Variants in UTP23 observed in about 807,000 individuals in gnomAD.
UTP23 encodes the protein rRNA-processing protein UTP23 homolog.
In UTP23, 10 loss-of-function variants were observed where a neutral mutation model predicts 19.8. That is an observed-to-expected ratio of 0.50 (90% CI 0.31 to 0.86). The LOEUF is 0.86. Ranked by LOEUF, UTP23 falls within the 40% of genes least tolerant of loss-of-function variation. The pLI is 0.05. For synonymous variants in UTP23, 108 were observed against 105.4 expected, an observed-to-expected ratio of 1.02 and a Z score of -0.15; for missense variants, 282 against 293.1, an observed-to-expected ratio of 0.96 and a Z score of 0.28.
At position 116,766,563 on chromosome 8, in the gene UTP23, A is replaced by C. The variant is rs1423031127; in HGVS notation, c.-41A>C. The C allele has an allele frequency of 6.3e-7, 1 of 1,585,574 alleles. No individual in the cohort carries two copies. ...TGGGGCGTGCGTGAGGCGTTTACTGATGCTTCCTGGTCCGGTGGCCTCGGT... is the reference window on the plus strand; with the variant it reads ...TGGGGCGTGCGTGAGGCGTTTACTGCTGCTTCCTGGTCCGGTGGCCTCGGT... On this transcript the variant is annotated 5_prime_UTR_variant, in exon 1 of 3. An upstream start codon of the reference 5' UTR is lost. Coordinates refer to ENST00000309822, the MANE Select transcript of UTP23 (RefSeq NM_032334.3).
At chr8:116,768,892 C>T (rs1815617614) in intron 1 of UTP23, among the ~76,000 whole-genome samples, 1 of 152,180 alleles carries the variant, frequency 6.6e-6, no homozygotes, top group Non-Finnish European at 1.5e-5. Context: ...TCTTGAACTC[C>T]TGACCGCAGG....
chr8:116,771,434 A>G (rs377197945), intron 2 of UTP23, 22 bp from the exon 3 acceptor site: 126 of 1,417,088 alleles, frequency 8.9e-5, no homozygotes, highest in Admixed American at 4.1e-4. Context: ...TGAACTAAAT[A>G]ATTCTGTTTT....
rs1410286307 is a variant in UTP23, at chr8:116,770,492, T to C, written c.363+126T>C. ...TAAAAATACAGGCTTCTAAGTTAATTTGCAGTCAGTAAAAGCAATTGTCAT... is the reference window on the plus strand; with the variant it reads ...TAAAAATACAGGCTTCTAAGTTAATCTGCAGTCAGTAAAAGCAATTGTCAT... On this transcript the variant is annotated intron_variant, in intron 2 of 2. Coordinates refer to ENST00000309822, the MANE Select transcript of UTP23 (RefSeq NM_032334.3). The C allele has an allele frequency of 5.6e-6, 5 of 891,200 alleles. No homozygotes were observed. The African/African-American group carries it at 6.7e-5, about 12-fold the overall frequency. The allele number at this position is 891,200 out of a possible 1,614,324, so 55.2% of individuals were successfully genotyped here. A position where few individuals can be genotyped will look rare whatever the true frequency, so the allele number is the denominator to read the frequency against.
chr8:116,767,041 G>A, intron 1 of UTP23: 1 of 415,580 alleles, frequency 2.4e-6, no homozygotes, highest in East Asian at 3.9e-5. Flanking sequence ...AGAGAGATCC[G>A]ACTTCGAATC....
rs1414774136 is a variant in UTP23 at position 116,774,171 on chromosome 8, G to T, written c.*2329G>T. The T allele has an allele frequency of 2.0e-6, 2 of 985,354 alleles. No individual in the cohort carries two copies. The highest frequency in any genetic ancestry group is 2.4e-6 in the Non-Finnish European group (2 of 829,922). The allele number at this position is 985,354 out of a possible 1,614,324, so 61.0% of individuals were successfully genotyped here. On this transcript the variant is annotated 3_prime_UTR_variant, in exon 3 of 3. Transcript: ENST00000309822. ...TGAAAGTTTGCCAATCTGAAAAGGG[G>T]TGTTTCTGAAGACCACTATCTTTTA...
At chr8:116,770,573 T>TTGGGTTTTGTTGTGGAAGGG (rs1390809100) in intron 2 of UTP23, 1 of 467,564 alleles carries the variant, frequency 2.1e-6, no homozygotes, top group Non-Finnish European at 3.6e-6. Context: ...TAGTGGAAGG[T>TTGGGTTTTGTTGTGGAAGGG]TGGGTTTTGT....
rs1206071894 is a variant in UTP23, at chr8:116,772,467, T to C, written c.*625T>C. 2.1e-6 allele frequency: 2 copies of C among 963,222 alleles called. No individual in the cohort carries two copies. The highest frequency in any genetic ancestry group is 2.5e-6 in the Non-Finnish European group (2 of 809,768). The allele number at this position is 963,222 out of a possible 1,614,324, so 59.7% of individuals were successfully genotyped here. ...AATTGTATGATTATACCGCTACTTT[T>C]TGATACATCAATTATTTATTGACTT... On this transcript the variant is annotated 3_prime_UTR_variant, in exon 3 of 3. Coordinates refer to ENST00000309822, the MANE Select transcript of UTP23 (RefSeq NM_032334.3).
chr8:116,767,216 G>A (rs905125837), intron 1 of UTP23, among the ~76,000 whole-genome samples: 36 of 152,150 alleles, frequency 2.4e-4, no homozygotes, highest in African/African-American at 8.2e-4. Flanking sequence ...AAGTGTACCC[G>A]TCTTCAAATG....
intron 2 of UTP23, 136 bp from the exon 3 acceptor site, chr8:116,771,320 C>T (rs1421627575): frequency 1.4e-6 from 1 of 696,360 alleles, no homozygotes; most frequent in Non-Finnish European, 2.1e-6. Context: ...CCCCATTACT[C>T]AAATGAATAA....
chr8:116,768,822 G>A (rs940162772), intron 1 of UTP23, among the ~76,000 whole-genome samples: 1 of 152,036 alleles, frequency 6.6e-6, no homozygotes, highest in Non-Finnish European at 1.5e-5. Flanking sequence ...GTGACACCAC[G>A]TCCTACTAAT....
At chr8:116,768,975 A>T (rs1166405137) in intron 1 of UTP23, among the ~76,000 whole-genome samples, 1 of 152,132 alleles carries the variant, frequency 6.6e-6, no homozygotes, top group Non-Finnish European at 1.5e-5. Context: ...GTTTTTAAAA[A>T]TTTTGGCAGT....
At chr8:116,769,684 GT>G (rs1368137390) in intron 1 of UTP23, among the ~76,000 whole-genome samples, 1 of 152,144 alleles carries the variant, frequency 6.6e-6, no homozygotes, top group African/African-American at 2.4e-5. Flanking sequence ...ATGACTAAAT[GT>G]TTTTTTAAAA....
rs1345186349 is a variant in UTP23 at position 116,773,306 on chromosome 8, G to A, written c.*1464G>A. 2.0e-6 allele frequency: 2 copies of A among 985,068 alleles called. No individual in the cohort carries two copies. The highest frequency in any genetic ancestry group is 2.4e-6 in the Non-Finnish European group (2 of 829,758). 61.0% of individuals were successfully genotyped at this position (985,068 alleles called of 1,614,324 possible). ...ACAAGCATTAAGGCCACCTAATAAA[G>A]TGTAGACAAAGTGATAAATGAAATA... On this transcript the variant is annotated 3_prime_UTR_variant, in exon 3 of 3. Coordinates refer to ENST00000309822, the MANE Select transcript of UTP23 (RefSeq NM_032334.3).
chr8:116,773,412 GCTAT>G lies in UTP23; in HGVS notation c.*1573_*1576del. The G allele has an allele frequency of 1.0e-6, 1 of 977,810 alleles. No homozygotes were observed. The highest frequency in any genetic ancestry group is 4.7e-5 in the South Asian group (1 of 21,150). The allele number at this position is 977,810 out of a possible 1,614,324, so 60.6% of individuals were successfully genotyped here. A position where few individuals can be genotyped will look rare whatever the true frequency, so the allele number is the denominator to read the frequency against. On this transcript the variant is annotated 3_prime_UTR_variant, in exon 3 of 3. Transcript: ENST00000309822. ...CTTAATCTATTTCTACTTAGTCAGT[GCTAT>G]CTGATTACCTGTTAATAGCATCTGA...
At position 116,774,277 on chromosome 8, in the gene UTP23, T is replaced by C. The variant is rs1290473776; in HGVS notation, c.*2435T>C. 2.0e-6 allele frequency: 2 copies of C among 985,402 alleles called. No homozygotes were observed. The allele number at this position is 985,402 out of a possible 1,614,324, so 61.0% of individuals were successfully genotyped here. A position where few individuals can be genotyped will look rare whatever the true frequency, so the allele number is the denominator to read the frequency against. ...TACATTTTTATGGCCCTACAGCTAC[T>C]TCTTATCCCTGCAAGTATATAAATT... On this transcript the variant is annotated 3_prime_UTR_variant, in exon 3 of 3. Coordinates refer to ENST00000309822, the MANE Select transcript of UTP23 (RefSeq NM_032334.3).
Position 116,771,609 on chromosome 8 carries a change from G to A in UTP23, c.517G>A (p.Glu173Lys). The A allele has an allele frequency of 6.2e-7, 1 of 1,611,992 alleles. No individual in the cohort carries two copies. Among genetic ancestry groups the A allele is most frequent in the South Asian group, 1.1e-5 (1 of 90,270 alleles). ...TCAGCTTGTCTCAGTGCATGAGAAAGAAAGTATCAAACATCTCAAAGAGGA... is the reference window on the plus strand; with the variant it reads ...TCAGCTTGTCTCAGTGCATGAGAAAAAAAGTATCAAACATCTCAAAGAGGA... ...SGQLVSVHEK[E>K]SIKHLKEEQG... The change falls in exon 3 of 3, where the codon GAA (glutamate) becomes AAA (lysine). Residue 173 changes from glutamate (E) to lysine (K), a missense_variant. Physicochemically the swap from Glu to Lys is moderately conservative, Grantham distance 56. Transcript: ENST00000309822.
intron 1 of UTP23, among the ~76,000 whole-genome samples, chr8:116,768,766 G>A (rs1815616640): frequency 6.6e-6 from 1 of 152,188 alleles, no homozygotes; most frequent in Middle Eastern, 3.2e-3. Context: ...CCGGGTTCAA[G>A]TGATTTCCCT....
chr8:116,770,906 A>T (rs1213968199), intron 2 of UTP23: 2 of 153,136 alleles, frequency 1.3e-5, no homozygotes, highest in African/African-American at 2.4e-5. Context: ...GTCATGGTTC[A>T]TACTGCTTAA....
In UTP23 at chr8:116,774,474, T is replaced by A. The variant is rs970616373; in HGVS notation, c.*2632T>A. The stretch of plus-strand genomic sequence containing the variant: ...GGAGTCTTTAAAATGTTTTAAAAAA[T>A]GTTTGCTTACTATCTATATATATGA... On this transcript the variant is annotated 3_prime_UTR_variant, in exon 3 of 3. Transcript: ENST00000309822. 2 of 954,322 alleles carry A rather than the reference T, an allele frequency of 2.1e-6. No individual in the cohort carries two copies. Among genetic ancestry groups the A allele is most frequent in the Non-Finnish European group, 2.5e-6 (2 of 801,782 alleles). 59.1% of individuals were successfully genotyped at this position (954,322 alleles called of 1,614,324 possible).
Sources: allele counts gnomAD v4.1 joint callset (sites outside exome capture counted in the v4.1 genomes callset), GRCh38; gene constraint gnomAD v4.1.1; transcripts MANE v1.5; gene names NCBI Gene and HGNC (gene_info 2026-07-23, HGNC 2026-07-21).